The following ANO1 variants were observed in gnomAD, a reference collection of about 807,000 sequenced individuals.
ANO1 encodes anoctamin 1, also known as anoctamin-1.
In ANO1, 59 loss-of-function variants were observed where a neutral mutation model predicts 124.0. The ratio of observed to expected loss-of-function variants is 0.48; its 90% CI spans 0.39 to 0.59. The LOEUF (loss-of-function observed/expected upper bound fraction) is 0.59. Ranked by LOEUF, ANO1 falls within the 20% of genes least tolerant of loss-of-function variation. The pLI is 0.00. For synonymous variants in ANO1, 529 were observed against 532.0 expected (o/e 0.99, Z 0.08); for missense variants, 1,059 against 1,328.0 (o/e 0.80, Z 3.15).
At chr11:70,008,844 C>T (rs903582532) in intron 1 of ANO1, among the ~76,000 whole-genome samples, 2 of 152,180 alleles carry the variant, frequency 1.3e-5, no homozygotes, top group Non-Finnish European at 2.9e-5. Flanking sequence ...GGCCGGCTCT[C>T]CCTTCCCTCT....
At chr11:70,182,754 A>G in intron 24 of ANO1, 68 bp downstream of exon 24, 1 of 1,315,010 alleles carries the variant, frequency 7.6e-7, no homozygotes, top group Non-Finnish European at 1.0e-6. Context: ...CTGGGTTTGG[A>G]CGGGGCTCAA....
rs545462016 is a variant in ANO1 at position 70,100,481 on chromosome 11, C to T, written c.442-2585C>T. ...GAGCGATGTGGCCACAGCCAGGGGA[C>T]GCCTGGAGCCCCCGGAAGCTGGGAG... On this transcript the variant is annotated intron_variant, in intron 2 of 25. Coordinates refer to ENST00000355303, the MANE Select transcript of ANO1 (RefSeq NM_018043.7). Among the ~76,000 whole-genome samples the T allele has an allele frequency of 9.8e-5, 15 of 152,300 alleles. No homozygotes were observed. The East Asian group carries it at 1.2e-3, about 12-fold the overall frequency.
chr11:70,169,135 G>C (rs770115772), intron 21 of ANO1, among the ~76,000 whole-genome samples: 2 of 152,170 alleles, frequency 1.3e-5, no homozygotes, highest in African/African-American at 2.4e-5. Context: ...CCCAAGACAC[G>C]AGCACAGCCT....
At chr11:70,071,013 G>A (rs1375441745) in intron 1 of ANO1, among the ~76,000 whole-genome samples, 1 of 152,180 alleles carries the variant, frequency 6.6e-6, no homozygotes, top group Non-Finnish European at 1.5e-5. Flanking sequence ...CCCATGTACT[G>A]GGAGTACTAC....
intron 1 of ANO1, among the ~76,000 whole-genome samples, chr11:69,995,105 T>TTTTGG (rs1554998195): frequency 2.2e-4 from 32 of 145,556 alleles, no homozygotes; most frequent in Non-Finnish European, 4.0e-4. Context: ...TTTTTTTTTT[T>TTTTGG]TTTTTTTTTT....
Position 70,182,659 on chromosome 11 carries a change from AC to A in ANO1, c.2563del (p.Leu855TrpfsTer50). ...GGCACGGCCCCCAATGACCCCCTGG[AC>A]CTGGGCTACGAGGTGCAGATCTGCA... ...QNGTAPNDPL[D>X]LGYEVQICRY... On this transcript the variant is annotated frameshift_variant, in exon 24 of 26. Transcript: ENST00000355303. LOFTEE classifies it high-confidence loss of function. 6.2e-7 allele frequency: 1 copy of A among 1,606,638 alleles called. No homozygotes were observed. The highest frequency in any genetic ancestry group is 8.5e-7 in the Non-Finnish European group (1 of 1,176,246).
At chr11:70,018,893 A>T (rs1252167351) in intron 1 of ANO1, among the ~76,000 whole-genome samples, 1 of 152,188 alleles carries the variant, frequency 6.6e-6, no homozygotes. Flanking sequence ...AGTACCGGGG[A>T]CATGGCCAAA....
intron 8 of ANO1, among the ~76,000 whole-genome samples, chr11:70,122,721 C>G (rs1305964363): frequency 6.6e-6 from 1 of 151,732 alleles, no homozygotes; most frequent in Non-Finnish European, 1.5e-5. Flanking sequence ...CGCTGCCTCT[C>G]TCCTTCTCTG....
intron 8 of ANO1, among the ~76,000 whole-genome samples, chr11:70,124,084 G>A (rs937632391): frequency 6.6e-6 from 1 of 152,162 alleles, no homozygotes; most frequent in African/African-American, 2.4e-5. Context: ...TGATGGGGAT[G>A]ACCAAAAACC....
intron 1 of ANO1, among the ~76,000 whole-genome samples, chr11:69,987,012 T>C (rs1554996939): frequency 6.6e-6 from 1 of 152,184 alleles, no homozygotes; most frequent in African/African-American, 2.4e-5. Context: ...GCCCTCCTTT[T>C]ATTCTTCCCC....
At chr11:70,092,909 C>T (rs556956687) in intron 2 of ANO1, among the ~76,000 whole-genome samples, 1 of 152,240 alleles carries the variant, frequency 6.6e-6, no homozygotes, top group Admixed American at 6.5e-5. Flanking sequence ...ACAGGAGGGG[C>T]CCAGAGACCT....
intron 11 of ANO1, among the ~76,000 whole-genome samples, chr11:70,138,768 C>A (rs576107273): frequency 6.6e-6 from 1 of 152,122 alleles, no homozygotes; most frequent in East Asian, 1.9e-4. Context: ...TTTTTAGTTG[C>A]AGTTTTTTTT....
chr11:70,160,278 G>C (rs1239176699), intron 16 of ANO1, among the ~76,000 whole-genome samples: 1 of 152,148 alleles, frequency 6.6e-6, no homozygotes, highest in Non-Finnish European at 1.5e-5. Flanking sequence ...TGGCTTTGCT[G>C]TGTGCTTCTC....
intron 11 of ANO1, among the ~76,000 whole-genome samples, chr11:70,133,900 C>T (rs1364085409): frequency 1.3e-5 from 2 of 152,184 alleles, no homozygotes; most frequent in African/African-American, 2.4e-5. Context: ...GCAGCTGGGC[C>T]GGGTCCTCTT....
chr11:70,155,642 G>A (rs1207401326), intron 14 of ANO1, among the ~76,000 whole-genome samples: 4 of 152,222 alleles, frequency 2.6e-5, no homozygotes, highest in African/African-American at 9.6e-5. Flanking sequence ...GTGAGATGGG[G>A]CATGACGCGG....
chr11:69,982,552 G>A (rs1855968456), upstream of ANO1, among the ~76,000 whole-genome samples: 1 of 152,228 alleles, frequency 6.6e-6, no homozygotes. Context: ...CCTACAGCAT[G>A]TCAGGTTTTG....
At chr11:69,984,912 G>C (rs188863878), upstream of ANO1, among the ~76,000 whole-genome samples, 1 of 152,348 alleles carries the variant, frequency 6.6e-6, no homozygotes, top group African/African-American at 2.4e-5. Context: ...TTAGCATTCT[G>C]TTTATGGTAG....
chr11:70,028,401 C>G (rs561641074), intron 1 of ANO1, among the ~76,000 whole-genome samples: 1 of 152,304 alleles, frequency 6.6e-6, no homozygotes, highest in South Asian at 2.1e-4. Flanking sequence ...CACTCTGCCA[C>G]CCCAGGGACA....
intron 2 of ANO1, among the ~76,000 whole-genome samples, chr11:70,097,703 A>G (rs1382147566): frequency 6.6e-6 from 1 of 152,192 alleles, no homozygotes; most frequent in Non-Finnish European, 1.5e-5. Context: ...GGTTGGAGAG[A>G]AGGCGGATGG....
Sources: gnomAD v4.1 joint callset for allele counts (sites outside exome capture counted in the v4.1 genomes callset) on GRCh38, gnomAD v4.1.1 for gene constraint, MANE v1.5 for transcripts, NCBI Gene and HGNC (gene_info 2026-07-23, HGNC 2026-07-21) for gene names.